Variants in SMG6 observed in about 807,000 individuals in gnomAD.
SMG6 encodes the protein telomerase-binding protein EST1A.
SMG6 carries 66 observed loss-of-function variants against 142.2 expected under a neutral mutation model. The observed-to-expected ratio is 0.46, with a 90% CI of 0.38 to 0.57. The LOEUF (loss-of-function observed/expected upper bound fraction) is 0.57. Among genes scored for constraint, SMG6 ranks in the 20% least tolerant of loss-of-function variants. The pLI is 0.00. For synonymous variants in SMG6, 779 were observed against 702.4 expected (o/e 1.11, Z -1.72); for missense variants, 1,793 against 1,832.0 (o/e 0.98, Z 0.39).
At chr17:2,242,083 C>A (rs932137492) in intron 9 of SMG6, among the ~76,000 whole-genome samples, 2 of 151,928 alleles carry the variant, frequency 1.3e-5, no homozygotes, top group Non-Finnish European at 2.9e-5. Flanking sequence ...ATGTCGACAG[C>A]ACCAAGGGTT....
At position 2,209,683 on chromosome 17, in the gene SMG6, T is replaced by C. The variant is rs139518157; in HGVS notation, c.2870-21168A>G. On this transcript the variant is annotated intron_variant, in intron 10 of 18. Coordinates refer to ENST00000263073, the MANE Select transcript of SMG6 (RefSeq NM_017575.5). ...CCAATCTAAATTTTTGTATTTTTAG[T>C]AGAGAAGGAGTTTCACCATGTTGGC... Among the ~76,000 whole-genome samples, 626 of 152,186 alleles carry C rather than the reference T, an allele frequency of 4.1e-3. 3 individuals are homozygous for C. The highest frequency in any genetic ancestry group is 5.8e-3 in the Non-Finnish European group (392 of 67,988).
At chr17:2,214,479 T>TA (rs2151753317) in intron 10 of SMG6, 1 of 152,202 alleles carries the variant, frequency 6.6e-6, no homozygotes, top group African/African-American at 2.4e-5. Context: ...CTGTGCCCCG[T>TA]ATCTCTTCCC....
chr17:2,188,971 G>C (rs902589907), intron 10 of SMG6, among the ~76,000 whole-genome samples: 1 of 152,142 alleles, frequency 6.6e-6, no homozygotes, highest in East Asian at 1.9e-4. Context: ...CCCTGAACGC[G>C]CCCGATCTCG....
At chr17:2,110,384 T>A (rs909694079) in intron 13 of SMG6, among the ~76,000 whole-genome samples, 1 of 152,216 alleles carries the variant, frequency 6.6e-6, no homozygotes, top group Non-Finnish European at 1.5e-5. Flanking sequence ...CAGAGATAGT[T>A]CTGCATTTAC....
At chr17:2,277,218 G>C (rs1210324009) in intron 8 of SMG6, among the ~76,000 whole-genome samples, 3 of 146,086 alleles carry the variant, frequency 2.1e-5, no homozygotes, top group African/African-American at 7.6e-5. Flanking sequence ...CCAGGCTGGA[G>C]TGCAGTGGCG....
At chr17:2,087,744 C>G in intron 13 of SMG6, 1 of 986,396 alleles carries the variant, frequency 1.0e-6, no homozygotes, top group East Asian at 1.1e-4. Context: ...CATTAAAGAA[C>G]AGAGCCGAAA....
At chr17:2,273,884 T>C (rs932711358) in intron 8 of SMG6, among the ~76,000 whole-genome samples, 2 of 152,232 alleles carry the variant, frequency 1.3e-5, no homozygotes, top group African/African-American at 4.8e-5. Context: ...TGTAATTCTG[T>C]ATTTCCCTTA....
chr17:2,292,762 A>G, intron 5 of SMG6, 109 bp downstream of exon 5: 1 of 1,360,688 alleles, frequency 7.3e-7, no homozygotes, highest in Non-Finnish European at 1.0e-6. Flanking sequence ...GCATGACTAC[A>G]GGGACCAATA....
intron 13 of SMG6, among the ~76,000 whole-genome samples, chr17:2,163,052 G>C (rs2071229971): frequency 6.6e-6 from 1 of 152,084 alleles, no homozygotes; most frequent in African/African-American, 2.4e-5. Flanking sequence ...GGCTGGTCTT[G>C]AACTCCTGGG....
chr17:2,158,549 G>C (rs911294868), intron 13 of SMG6, among the ~76,000 whole-genome samples: 1 of 152,092 alleles, frequency 6.6e-6, no homozygotes, highest in South Asian at 2.1e-4. Flanking sequence ...ACCTTCAAAA[G>C]CCTTTGTCCT....
intron 9 of SMG6, among the ~76,000 whole-genome samples, chr17:2,243,055 C>T (rs1033974629): frequency 1.3e-5 from 2 of 152,034 alleles, no homozygotes; most frequent in Non-Finnish European, 2.9e-5. Context: ...AGTGGCAGGA[C>T]GGGGGAGGTG....
chr17:2,278,294 C>G (rs2074707024), intron 8 of SMG6, among the ~76,000 whole-genome samples: 1 of 151,840 alleles, frequency 6.6e-6, no homozygotes, highest in South Asian at 2.1e-4. Flanking sequence ...CCTCCGCCTC[C>G]CGGGTTCAAG....
At chr17:2,211,555 T>C (rs1226272317) in intron 10 of SMG6, among the ~76,000 whole-genome samples, 2 of 151,088 alleles carry the variant, frequency 1.3e-5, no homozygotes, top group Non-Finnish European at 2.9e-5. Context: ...TCTCAGCTAC[T>C]CGGGAGGCTG....
chr17:2,081,149 T>C (rs2068411809), intron 15 of SMG6, among the ~76,000 whole-genome samples: 1 of 152,068 alleles, frequency 6.6e-6, no homozygotes, highest in Admixed American at 6.5e-5. Flanking sequence ...GGTTCACCTT[T>C]AAACGGGGAG....
intron 8 of SMG6, among the ~76,000 whole-genome samples, chr17:2,254,221 G>A (rs1001338670): frequency 7.2e-5 from 11 of 152,250 alleles, no homozygotes; most frequent in Non-Finnish European, 5.9e-5. Context: ...AGGACACGCT[G>A]TGTCTGCACT....
intron 10 of SMG6, among the ~76,000 whole-genome samples, chr17:2,204,452 T>C (rs1399717114): frequency 2.0e-5 from 3 of 152,196 alleles, no homozygotes. Flanking sequence ...CCATGATCAA[T>C]GTCCAAACCA....
intron 8 of SMG6, among the ~76,000 whole-genome samples, chr17:2,246,714 G>A (rs1289842329): frequency 6.6e-6 from 1 of 152,176 alleles, no homozygotes; most frequent in Admixed American, 6.6e-5. Flanking sequence ...GGGAGGCCAT[G>A]GCAGGTGGAT....
intron 13 of SMG6, among the ~76,000 whole-genome samples, chr17:2,098,202 GAAC>G (rs2068909665): frequency 6.6e-6 from 1 of 152,128 alleles, no homozygotes; most frequent in Non-Finnish European, 1.5e-5. Context: ...AGTTGGTCTT[GAAC>G]TCCAGTTCAA....
At chr17:2,072,789 GGGT>G (rs2068141619) in intron 15 of SMG6, 1 of 152,196 alleles carries the variant, frequency 6.6e-6, no homozygotes, top group South Asian at 2.1e-4. Context: ...TCCCTCTACA[GGGT>G]GAAGAATCAT....
Sources: gnomAD v4.1 joint callset for allele counts (sites outside exome capture counted in the v4.1 genomes callset) on GRCh38, gnomAD v4.1.1 for gene constraint, MANE v1.5 for transcripts, NCBI Gene and HGNC (gene_info 2026-07-23, HGNC 2026-07-21) for gene names.